Variants in GPR153 observed in about 807,000 individuals in gnomAD.
GPR153 encodes the protein G protein-coupled receptor 153.
A neutral mutation model predicts 34.1 loss-of-function variants in GPR153; 27 were observed. That is an observed-to-expected ratio of 0.79 (90% CI 0.58 to 1.09). The LOEUF (loss-of-function observed/expected upper bound fraction) is 1.09, where lower values mean the gene tolerates loss of function less well. Among genes scored for constraint, GPR153 ranks in the 50% least tolerant of loss-of-function variants. The probability of loss-of-function intolerance (pLI) is 0.00; values close to 1 mark genes in which losing one functional copy is unlikely to be tolerated. For missense variants in GPR153, 848 were observed against 860.2 expected, an observed-to-expected ratio of 0.99 and a Z score of 0.18; for synonymous variants, 408 against 405.4, an observed-to-expected ratio of 1.01 and a Z score of -0.08.
chr1:6,249,582 G>A lies in GPR153; in HGVS notation c.1586C>T (p.Pro529Leu). The A allele has an allele frequency of 8.5e-7, 1 of 1,170,656 alleles. No individual in the cohort carries two copies. The highest frequency in any genetic ancestry group is 4.6e-5 in the Admixed American group (1 of 21,574). The allele number at this position is 1,170,656 out of a possible 1,614,324, so 72.5% of individuals were successfully genotyped here. The part of the protein sequence containing the change: ...PGPFPAAPAA[P>L]DGADPGEAPT... ...GGCCTCTCCGGGATCTGCGCCGTCG[G>A]GGGCGGCGGGCGCAGCGGGGAAGGG... Residue 529 changes from proline (P) to leucine (L), a missense_variant, in exon 6 of 6, where the codon CCC (proline) becomes CTC (leucine). Physicochemically the swap from Pro to Leu is moderately conservative, Grantham distance 98. Coordinates refer to ENST00000377893, the MANE Select transcript of GPR153 (RefSeq NM_207370.4). This position sits in a 1 kb window ranked among gnomAD's most constrained non-coding sequence, Gnocchi z 4.3.
At chr1:6,259,511 T>TG (rs1371115380) in intron 1 of GPR153, among the ~76,000 whole-genome samples, 1 of 150,170 alleles carries the variant, frequency 6.7e-6, no homozygotes, top group Non-Finnish European at 1.5e-5. Flanking sequence ...TTTTTTTTTT[T>TG]GTCCCTAGAG....
In GPR153 at chr1:6,250,439, C is replaced by A. The variant is rs1347552104; in HGVS notation, c.1164+1G>T. The A allele has an allele frequency of 1.3e-6, 2 of 1,590,066 alleles. No individual in the cohort carries two copies. The highest frequency in any genetic ancestry group is 1.7e-6 in the Non-Finnish European group (2 of 1,168,508). On this transcript the variant is annotated splice_donor_variant, in intron 5 of 5. Transcript: ENST00000377893. LOFTEE classifies it high-confidence loss of function. Reference sequence around the variant, plus strand: ...GGCCTCTCCCCCAGCCCTGCGCTCACCTGCAGGTATTGCATCTTGTCCTCC... The same window carrying A: ...GGCCTCTCCCCCAGCCCTGCGCTCAACTGCAGGTATTGCATCTTGTCCTCC...
chr1:6,250,073 C>T, intron 5 of GPR153, 70 bp from the exon 6 acceptor site: 3 of 1,272,250 alleles, frequency 2.4e-6, no homozygotes, highest in Non-Finnish European at 3.0e-6. Context: ...CTTCTCCACC[C>T]TGGGGAAAGG....
At position 6,249,428 on chromosome 1, in the gene GPR153, G is replaced by A. The variant is rs976558952; in HGVS notation, c.1740C>T (p.Gly580=). Residue 580 remains glycine (G), a synonymous_variant, in exon 6 of 6, where the codon GGC becomes GGT. Coordinates refer to ENST00000377893, the MANE Select transcript of GPR153 (RefSeq NM_207370.4). This position sits in a 1 kb window ranked among gnomAD's most constrained non-coding sequence, Gnocchi z 4.3. The stretch of plus-strand genomic sequence containing the variant: ...TCAGGAAGCTGCTGGTGCTGCCGCC[G>A]CCGCCCGCCGCGCGCAGCCCCCCGG... ...GEPGGLRAAG[G]GGSTSSFLSS... 8.8e-6 allele frequency: 12 copies of A among 1,366,400 alleles called. No individual in the cohort carries two copies. The highest frequency in any genetic ancestry group is 1.0e-5 in the Non-Finnish European group (11 of 1,064,050). The allele number at this position is 1,366,400 out of a possible 1,614,324, so 84.6% of individuals were successfully genotyped here. A position where few individuals can be genotyped will look rare whatever the true frequency, so the allele number is the denominator to read the frequency against.
Position 6,249,976 on chromosome 1 carries a change from C to A in GPR153, c.1192G>T (p.Asp398Tyr). 1 of 1,274,594 alleles carries A rather than the reference C, an allele frequency of 7.8e-7. No homozygotes were observed. Among genetic ancestry groups the A allele is most frequent in the Non-Finnish European group, 1.0e-6 (1 of 1,004,514 alleles). The allele number at this position is 1,274,594 out of a possible 1,614,324, so 79.0% of individuals were successfully genotyped here. A position where few individuals can be genotyped will look rare whatever the true frequency, so the allele number is the denominator to read the frequency against. The change falls in exon 6 of 6, where the codon GAC becomes TAC. Residue 398 changes from aspartate (D) to tyrosine (Y), a missense_variant. Physicochemically the swap from Asp to Tyr is radical, Grantham distance 160. Coordinates refer to ENST00000377893, the MANE Select transcript of GPR153 (RefSeq NM_207370.4). This position sits in a 1 kb window ranked among gnomAD's most constrained non-coding sequence, Gnocchi z 4.3. Reference sequence around the variant, plus strand: ...ACGGCGGCCCACACGTCCGCATCGTCGTGGGAGAAGCGCCGCGTGGGCGGG... The same window carrying A: ...ACGGCGGCCCACACGTCCGCATCGTAGTGGGAGAAGCGCCGCGTGGGCGGG... ...QVPPTRRFSH[D>Y]DADVWAAVPL... is the part of the protein sequence containing the mutation.
chr1:6,257,756 G>A (rs763213840), intron 1 of GPR153, among the ~76,000 whole-genome samples: 15 of 152,368 alleles, frequency 9.8e-5, no homozygotes, highest in Admixed American at 3.9e-4. Context: ...GGCATGTGGC[G>A]GGGAGCGGGG....
intron 5 of GPR153, 80 bp downstream of exon 5, chr1:6,250,360 G>A: frequency 6.8e-7 from 1 of 1,480,872 alleles, no homozygotes; most frequent in Non-Finnish European, 9.0e-7. Context: ...CGTGAGATGG[G>A]CTCCGAGTGG....
chr1:6,251,252 C>T lies in GPR153; in HGVS notation c.979+86G>A, dbSNP rs565821091. 1.1e-5 allele frequency: 11 copies of T among 1,033,514 alleles called. No homozygotes were observed. The highest frequency in any genetic ancestry group is 4.8e-5 in the African/African-American group (3 of 62,532). 64.0% of individuals were successfully genotyped at this position (1,033,514 alleles called of 1,614,324 possible). A position where few individuals can be genotyped will look rare whatever the true frequency, so the allele number is the denominator to read the frequency against. On this transcript the variant is annotated intron_variant, in intron 4 of 5. Transcript: ENST00000377893. This position sits in a 1 kb window ranked among gnomAD's most constrained non-coding sequence, Gnocchi z 4.9. ...GAGAATGAAGTCACCTCCTTAGTGG[C>T]GTTGCCTGACAGCCGTTTTCCTGCC...
At chr1:6,253,697 C>G (rs1456931574) in intron 3 of GPR153, 21 bp downstream of exon 3, 64 of 1,514,740 alleles carry the variant, frequency 4.2e-5, no homozygotes, top group Non-Finnish European at 5.3e-5. Flanking sequence ...ACAGGCCCCT[C>G]TACCCGACGC....
chr1:6,250,303 A>T, intron 5 of GPR153, 137 bp downstream of exon 5: 7 of 1,443,858 alleles, frequency 4.8e-6, no homozygotes, highest in Non-Finnish European at 6.4e-6. Context: ...TGACCTTTGG[A>T]CAGCCCGTCC....
rs1289879512 is a variant in GPR153, at chr1:6,249,253, GC to G, written c.*84del. On this transcript the variant is annotated 3_prime_UTR_variant, in exon 6 of 6. Transcript: ENST00000377893. This position sits in a 1 kb window ranked among gnomAD's most constrained non-coding sequence, Gnocchi z 4.3. ...TGGGAGGGGTGGCGCATGTCTGCGC[GC>G]GGGGCGGAGGCGGGCGTCTTTGGTG... is the stretch of plus-strand genomic sequence containing the variant. The G allele has an allele frequency of 2.9e-6, 3 of 1,024,244 alleles. No homozygotes were observed. The highest frequency in any genetic ancestry group is 6.7e-5 in the East Asian group (2 of 29,810). 63.4% of individuals were successfully genotyped at this position (1,024,244 alleles called of 1,614,324 possible).
chr1:6,250,008 C>T lies in GPR153; in HGVS notation c.1165-5G>A. On this transcript the variant is annotated splice_region_variant and splice_polypyrimidine_tract_variant and intron_variant, in intron 5 of 5. Coordinates refer to ENST00000377893, the MANE Select transcript of GPR153 (RefSeq NM_207370.4). ...GAAGCGCCGCGTGGGCGGGACCTGT[C>T]AGGACGCGGCTGGCTTTTACCCCGA... 1 of 1,257,746 alleles carries T rather than the reference C, an allele frequency of 8.0e-7. No homozygotes were observed. The highest frequency in any genetic ancestry group is 1.0e-6 in the Non-Finnish European group (1 of 994,794). 77.9% of individuals were successfully genotyped at this position (1,257,746 alleles called of 1,614,324 possible). A position where few individuals can be genotyped will look rare whatever the true frequency, so the allele number is the denominator to read the frequency against.
rs1187591071 is a variant in GPR153, at chr1:6,250,628, T to C, written c.980-4A>G. 2 of 174,478 alleles carry C rather than the reference T, an allele frequency of 1.1e-5. No homozygotes were observed. Among genetic ancestry groups the C allele is most frequent in the South Asian group, 5.6e-5 (1 of 17,786 alleles). The allele number at this position is 174,478 out of a possible 1,614,324, so 10.8% of individuals were successfully genotyped here. ...ATGCCACCTTCCAGGCTGGTCTCTG[T>C]AGGGTGGGGGGTGGGTGGGGGGGCA... On this transcript the variant is annotated splice_polypyrimidine_tract_variant and splice_region_variant and intron_variant, in intron 4 of 5. Coordinates refer to ENST00000377893, the MANE Select transcript of GPR153 (RefSeq NM_207370.4).
At position 6,249,451 on chromosome 1, in the gene GPR153, C is replaced by G. The variant is rs1276958898; in HGVS notation, c.1717G>C (p.Gly573Arg). 3.0e-6 allele frequency: 4 copies of G among 1,350,086 alleles called. No individual in the cohort carries two copies. The East Asian group carries it at 1.2e-4, about 42-fold the overall frequency. 83.6% of individuals were successfully genotyped at this position (1,350,086 alleles called of 1,614,324 possible). A position where few individuals can be genotyped will look rare whatever the true frequency, so the allele number is the denominator to read the frequency against. Reference protein sequence around the residue: ...PGLSASWGEPGGLRAAGGGGS... With the variant: ...PGLSASWGEPRGLRAAGGGGS... ...CCGCCGCCCGCCGCGCGCAGCCCCC[C>G]GGGCTCGCCCCACGACGCGCTCAGG... The change falls in exon 6 of 6, where the codon GGG becomes CGG. Residue 573 changes from glycine to arginine, a missense_variant. By Grantham distance (125) the Gly-to-Arg change is moderately radical (BLOSUM62 -2). Transcript: ENST00000377893. This position sits in a 1 kb window ranked among gnomAD's most constrained non-coding sequence, Gnocchi z 4.3.
chr1:6,257,465 G>T (rs1638591012), intron 1 of GPR153, among the ~76,000 whole-genome samples: 1 of 152,198 alleles, frequency 6.6e-6, no homozygotes, highest in South Asian at 2.1e-4. Flanking sequence ...ACACAGCAGC[G>T]GTGTGGCTGG....
chr1:6,249,279 G>T lies in GPR153; in HGVS notation c.*59C>A. 1 of 1,183,876 alleles carries T rather than the reference G, an allele frequency of 8.4e-7. No homozygotes were observed. 73.3% of individuals were successfully genotyped at this position (1,183,876 alleles called of 1,614,324 possible). A position where few individuals can be genotyped will look rare whatever the true frequency, so the allele number is the denominator to read the frequency against. On this transcript the variant is annotated 3_prime_UTR_variant, in exon 6 of 6. Coordinates refer to ENST00000377893, the MANE Select transcript of GPR153 (RefSeq NM_207370.4). The surrounding 1 kb of genome is among the most constrained non-coding windows in gnomAD (Gnocchi z 4.3). Reference sequence around the variant, plus strand: ...CGGGGCGGAGGCGGGCGTCTTTGGTGCTGCGGCCCCGGAGAGCGGCCTGGC... The same window carrying T: ...CGGGGCGGAGGCGGGCGTCTTTGGTTCTGCGGCCCCGGAGAGCGGCCTGGC...
Position 6,254,950 on chromosome 1 carries a change from G to A in GPR153, c.-45C>T, listed in dbSNP as rs1638534396. ...AGGCGGCTGTGGCATCCTCCTTGGA[G>A]CCAGGTCTCAGGGAGCAGCAGCCCT... On this transcript the variant is annotated 5_prime_UTR_variant, in exon 2 of 6. Coordinates refer to ENST00000377893, the MANE Select transcript of GPR153 (RefSeq NM_207370.4). 5 of 1,448,362 alleles carry A rather than the reference G, an allele frequency of 3.5e-6. No homozygotes were observed. Among genetic ancestry groups the A allele is most frequent in the Non-Finnish European group, 4.6e-6 (5 of 1,083,430 alleles). The allele number at this position is 1,448,362 out of a possible 1,614,324, so 89.7% of individuals were successfully genotyped here. A position where few individuals can be genotyped will look rare whatever the true frequency, so the allele number is the denominator to read the frequency against.
intron 1 of GPR153, among the ~76,000 whole-genome samples, chr1:6,260,600 G>C (rs949604755): frequency 2.0e-5 from 3 of 151,654 alleles, no homozygotes; most frequent in African/African-American, 4.8e-5. Flanking sequence ...CCCAGGGGGC[G>C]GCGCTGCTAG....
In GPR153 at chr1:6,250,171, C is replaced by A. The variant is rs146937104; in HGVS notation, c.1165-168G>T. 788 of 985,426 alleles carry A rather than the reference C, an allele frequency of 8.0e-4. 6 individuals carry two copies. The African/African-American group carries it at 0.013, about 16-fold the overall frequency. The allele number at this position is 985,426 out of a possible 1,614,324, so 61.0% of individuals were successfully genotyped here. A position where few individuals can be genotyped will look rare whatever the true frequency, so the allele number is the denominator to read the frequency against. ...GGTGCAGTCTCTTCGAGCCGCAGGG[C>A]TGTGTCAGACAGCTGGGGTCGGTTG... is the stretch of plus-strand genomic sequence containing the variant. On this transcript the variant is annotated intron_variant, in intron 5 of 5. Coordinates refer to ENST00000377893, the MANE Select transcript of GPR153 (RefSeq NM_207370.4).
Sources: allele counts gnomAD v4.1 joint callset (sites outside exome capture counted in the v4.1 genomes callset), GRCh38; gene constraint gnomAD v4.1.1; non-coding constraint Gnocchi (gnomAD v3.1); transcripts MANE v1.5; gene names NCBI Gene and HGNC (gene_info 2026-07-23, HGNC 2026-07-21).